TFB1M: variants seen among roughly 807,000 people sequenced by gnomAD.
TFB1M encodes the protein dimethyladenosine transferase 1, mitochondrial.
A neutral mutation model predicts 31.1 loss-of-function variants in TFB1M; 27 were observed. That is an observed-to-expected ratio of 0.87 (90% CI 0.64 to 1.20). The LOEUF is 1.20. Among genes scored for constraint, TFB1M ranks in the 50% most tolerant of loss-of-function variants. The pLI is 0.00. For missense variants in TFB1M, 394 were observed against 418.7 expected (o/e 0.94, Z 0.51); for synonymous variants, 166 against 151.8 (o/e 1.09, Z -0.69).
At position 155,258,016 on chromosome 6, in the gene TFB1M, G is replaced by GTCTA; in HGVS notation, c.857_860dup (p.Pro288ArgfsTer15). 6.2e-7 allele frequency: 1 copy of GTCTA among 1,614,192 alleles called. No homozygotes were observed. Among genetic ancestry groups the GTCTA allele is most frequent in the Non-Finnish European group, 8.5e-7 (1 of 1,180,022 alleles). ...AGAGCTGGCGGGGCCGAAGAGTAGGGTCTATGTCTGCCAACTCTAACAGCC... is the reference window on the plus strand; with the variant it reads ...AGAGCTGGCGGGGCCGAAGAGTAGGGTCTATCTATGTCTGCCAACTCTAACAGCC... On this transcript the variant is annotated frameshift_variant, in exon 7 of 7. Transcript: ENST00000367166. LOFTEE classifies it low-confidence loss of function (END_TRUNC).
intron 1 of TFB1M, among the ~76,000 whole-genome samples, chr6:155,312,918 A>C (rs1778079914): frequency 6.6e-6 from 1 of 152,096 alleles, no homozygotes; most frequent in African/African-American, 2.4e-5. Flanking sequence ...TAGAGTGGGC[A>C]ATCTTTTAAA....
intron 2 of TFB1M, among the ~76,000 whole-genome samples, chr6:155,309,347 T>C (rs193186215): frequency 5.4e-4 from 83 of 152,354 alleles, no homozygotes; most frequent in African/African-American, 1.9e-3. Flanking sequence ...CACACATTTC[T>C]ACCCTCATGG....
chr6:155,242,662 G>T, the TFB1M span, among the ~76,000 whole-genome samples: 1 of 152,112 alleles, frequency 6.6e-6, no homozygotes, highest in Non-Finnish European at 1.5e-5. Flanking sequence ...TAGTATTTTA[G>T]GACTCAAAAT....
chr6:155,281,046 T>A (rs1413691768), intron 5 of TFB1M, among the ~76,000 whole-genome samples: 1 of 152,234 alleles, frequency 6.6e-6, no homozygotes, highest in African/African-American at 2.4e-5. Context: ...TAAATATAAA[T>A]TCTATATATA....
the TFB1M span, among the ~76,000 whole-genome samples, chr6:155,230,974 A>T: frequency 6.6e-6 from 1 of 150,826 alleles, no homozygotes; most frequent in South Asian, 2.1e-4. Context: ...CTGGGATTAC[A>T]GGTGTGTGCC....
At chr6:155,250,844 A>G in the TFB1M span, 4 of 1,460,812 alleles carry the variant, frequency 2.7e-6, no homozygotes, top group Non-Finnish European at 3.8e-6. Context: ...TGTGTACATC[A>G]CTATCTAACA....
intron 5 of TFB1M, among the ~76,000 whole-genome samples, chr6:155,270,327 G>A (rs1034481523): frequency 2.6e-5 from 4 of 152,124 alleles, no homozygotes; most frequent in Non-Finnish European, 5.9e-5. Flanking sequence ...TTTAAGCTGA[G>A]GGGTCATAAG....
chr6:155,278,586 C>G (rs1785328775), intron 5 of TFB1M, among the ~76,000 whole-genome samples: 1 of 152,226 alleles, frequency 6.6e-6, no homozygotes, highest in Admixed American at 6.5e-5. Flanking sequence ...CCTAACAACT[C>G]TACCAGGTAG....
chr6:155,241,366 C>A, the TFB1M span, among the ~76,000 whole-genome samples: 1 of 152,182 alleles, frequency 6.6e-6, no homozygotes. Flanking sequence ...ATTTGAAGCT[C>A]GCTTCATTTG....
At chr6:155,313,561 G>A (rs961626487) in intron 1 of TFB1M, among the ~76,000 whole-genome samples, 1 of 151,988 alleles carries the variant, frequency 6.6e-6, no homozygotes, top group Admixed American at 6.5e-5. Context: ...TGGTGATGGT[G>A]GTTAAACCAA....
chr6:155,253,200 T>G, downstream of TFB1M: 1 of 671,258 alleles, frequency 1.5e-6, no homozygotes, highest in South Asian at 1.9e-5. Context: ...GTTGTTTTGA[T>G]GTTCCTTAGC....
chr6:155,302,044 T>C (rs1351687994), intron 2 of TFB1M, among the ~76,000 whole-genome samples: 2 of 152,222 alleles, frequency 1.3e-5, no homozygotes, highest in African/African-American at 4.8e-5. Flanking sequence ...TGAAAGCTCC[T>C]CTGCAGGGGG....
At chr6:155,310,059 T>G (rs376518118) in intron 2 of TFB1M, among the ~76,000 whole-genome samples, 14 of 152,280 alleles carry the variant, frequency 9.2e-5, no homozygotes, top group East Asian at 7.7e-4. Context: ...ATCAGATACA[T>G]GCACACAAAG....
chr6:155,244,599 G>T, the TFB1M span: 1 of 1,577,774 alleles, frequency 6.3e-7, no homozygotes, highest in South Asian at 1.2e-5. Flanking sequence ...CTAAGAGTTA[G>T]CGTGGTGTCC....
At chr6:155,239,461 G>A in the TFB1M span, among the ~76,000 whole-genome samples, 5 of 152,176 alleles carry the variant, frequency 3.3e-5, no homozygotes, top group South Asian at 1.0e-3. Context: ...ATGTGAGGGT[G>A]GAATGGAAAG....
the TFB1M span, among the ~76,000 whole-genome samples, chr6:155,237,188 C>A: frequency 6.6e-6 from 1 of 152,216 alleles, no homozygotes; most frequent in South Asian, 2.1e-4. Context: ...GGCTCCAGGC[C>A]CCATGCAATT....
chr6:155,241,354 C>A, the TFB1M span, among the ~76,000 whole-genome samples: 4 of 152,164 alleles, frequency 2.6e-5, no homozygotes. Flanking sequence ...AGCTTTGGTA[C>A]CATTTGAAGC....
At chr6:155,302,490 G>T (rs76238756) in intron 2 of TFB1M, among the ~76,000 whole-genome samples, 3 of 152,078 alleles carry the variant, frequency 2.0e-5, no homozygotes, top group Middle Eastern at 3.4e-3. Flanking sequence ...TAGAGGGAAG[G>T]TTACAGCATG....
chr6:155,229,942 A>G, the TFB1M span, among the ~76,000 whole-genome samples: 1 of 152,056 alleles, frequency 6.6e-6, no homozygotes, highest in East Asian at 1.9e-4. Flanking sequence ...CGAGTACAGC[A>G]TGGGAGAAAC....
Sources: allele counts gnomAD v4.1 joint callset (sites outside exome capture counted in the v4.1 genomes callset), GRCh38; gene constraint gnomAD v4.1.1; transcripts MANE v1.5; gene names NCBI Gene and HGNC (gene_info 2026-07-23, HGNC 2026-07-21).